SKAP2: variants seen among roughly 807,000 people sequenced by gnomAD.
SKAP2 encodes the protein src kinase associated phosphoprotein 2.
In SKAP2, 28 loss-of-function variants were observed where a neutral mutation model predicts 54.9. That is an observed-to-expected ratio of 0.51 (90% CI 0.38 to 0.70). The LOEUF is 0.70. SKAP2 is among the 30% of genes least tolerant of loss of function. The pLI is 0.00. For missense variants in SKAP2, 356 were observed against 424.1 expected (o/e 0.84, Z 1.41); for synonymous variants, 137 against 134.3 (o/e 1.02, Z -0.14).
intron 6 of SKAP2, among the ~76,000 whole-genome samples, chr7:26,731,574 C>G (rs1787824571): frequency 5.3e-5 from 8 of 152,160 alleles, no homozygotes; most frequent in Admixed American, 5.2e-4. Flanking sequence ...ATTTTCAAAA[C>G]TGTTTATCCA....
intron 1 of SKAP2, among the ~76,000 whole-genome samples, chr7:26,860,945 A>G (rs1584432267): frequency 6.6e-6 from 1 of 152,110 alleles, no homozygotes; most frequent in African/African-American, 2.4e-5. Flanking sequence ...CAAAACCTCA[A>G]GATCACTTAT....
chr7:26,717,989 C>T (rs951533663), intron 9 of SKAP2, among the ~76,000 whole-genome samples: 3 of 151,822 alleles, frequency 2.0e-5, no homozygotes, highest in Non-Finnish European at 4.4e-5. Context: ...AAAGCAAAAA[C>T]AGAAAACTCA....
intron 4 of SKAP2, among the ~76,000 whole-genome samples, chr7:26,762,233 C>T (rs937202680): frequency 2.6e-5 from 4 of 151,986 alleles, no homozygotes; most frequent in African/African-American, 9.7e-5. Context: ...CGTACCACTG[C>T]ACTCCAGCCT....
intron 4 of SKAP2, among the ~76,000 whole-genome samples, chr7:26,789,853 G>A (rs779551284): frequency 1.3e-5 from 2 of 152,128 alleles, no homozygotes; most frequent in African/African-American, 2.4e-5. Flanking sequence ...CCTCCTAAGC[G>A]TTGTGCCAAA....
chr7:26,702,003 G>A (rs1013307504), intron 9 of SKAP2, among the ~76,000 whole-genome samples: 17 of 151,828 alleles, frequency 1.1e-4, no homozygotes, highest in Non-Finnish European at 1.8e-4. Flanking sequence ...CCTTTTCTTC[G>A]GTGGCTATCA....
At chr7:26,786,034 C>A (rs1783537303) in intron 4 of SKAP2, among the ~76,000 whole-genome samples, 1 of 152,092 alleles carries the variant, frequency 6.6e-6, no homozygotes, top group Non-Finnish European at 1.5e-5. Context: ...TCCCCTTCAC[C>A]CCAAGAACTG....
chr7:26,655,658 C>T, the SKAP2 span, among the ~76,000 whole-genome samples: 7 of 152,050 alleles, frequency 4.6e-5, no homozygotes, highest in Non-Finnish European at 1.0e-4. Context: ...TCTGTAACAC[C>T]GTACACTAGT....
At chr7:26,697,136 C>T (rs1308089293) in intron 9 of SKAP2, among the ~76,000 whole-genome samples, 2 of 152,058 alleles carry the variant, frequency 1.3e-5, no homozygotes, top group Non-Finnish European at 2.9e-5. Context: ...ATGAGGTAAA[C>T]TGTGGGTGCT....
chr7:26,726,725 C>A, intron 7 of SKAP2, 157 bp downstream of exon 7: 1 of 535,230 alleles, frequency 1.9e-6, no homozygotes, highest in East Asian at 3.5e-5. Flanking sequence ...TTAAAAATTT[C>A]CTCTTATATG....
At chr7:26,846,943 G>C (rs1784934935) in intron 3 of SKAP2, among the ~76,000 whole-genome samples, 1 of 152,106 alleles carries the variant, frequency 6.6e-6, no homozygotes, top group African/African-American at 2.4e-5. Context: ...ACTGCAGTGG[G>C]CCAAGATTAT....
At chr7:26,686,788 TCATTTCA>T (rs1248545822) in intron 10 of SKAP2, among the ~76,000 whole-genome samples, 1 of 152,110 alleles carries the variant, frequency 6.6e-6, no homozygotes, top group Non-Finnish European at 1.5e-5. Context: ...GAGGATGACA[TCATTTCA>T]CATGCAAGGC....
chr7:26,784,180 G>C (rs1279563902), intron 4 of SKAP2, among the ~76,000 whole-genome samples: 2 of 151,516 alleles, frequency 1.3e-5, no homozygotes, highest in African/African-American at 4.9e-5. Flanking sequence ...ATCCTTTAAA[G>C]CCCTAAACAT....
intron 9 of SKAP2, among the ~76,000 whole-genome samples, chr7:26,691,692 G>A (rs553617571): frequency 6.6e-6 from 1 of 152,332 alleles, no homozygotes; most frequent in South Asian, 2.1e-4. Flanking sequence ...CTGAAGAAGT[G>A]CAGCAGAGAA....
intron 6 of SKAP2, among the ~76,000 whole-genome samples, chr7:26,732,430 G>A (rs899912449): frequency 1.3e-5 from 2 of 152,154 alleles, no homozygotes; most frequent in East Asian, 1.9e-4. Flanking sequence ...AATTCTGAGA[G>A]CTGATATTTT....
the SKAP2 span, among the ~76,000 whole-genome samples, chr7:26,657,826 T>C: frequency 2.6e-5 from 4 of 151,502 alleles, no homozygotes; most frequent in Non-Finnish European, 5.9e-5. Flanking sequence ...GGAGAGTTTT[T>C]CCTGATCTCC....
intron 10 of SKAP2, among the ~76,000 whole-genome samples, 162 bp from the exon 11 acceptor site, chr7:26,685,010 A>G (rs1562574781): frequency 6.6e-6 from 1 of 152,294 alleles, no homozygotes; most frequent in East Asian, 1.9e-4. Flanking sequence ...CATGAATCCT[A>G]CGTCTCACTA....
At chr7:26,792,180 G>A (rs1783684504) in intron 4 of SKAP2, among the ~76,000 whole-genome samples, 1 of 152,192 alleles carries the variant, frequency 6.6e-6, no homozygotes, top group African/African-American at 2.4e-5. Flanking sequence ...GTTGCCAGGG[G>A]CTGGGTGTGG....
chr7:26,766,573 G>A (rs754749833), intron 4 of SKAP2, among the ~76,000 whole-genome samples: 8 of 152,196 alleles, frequency 5.3e-5, no homozygotes, highest in Non-Finnish European at 7.3e-5. Context: ...AATGCTTCCA[G>A]CTTTTGCCCA....
At chr7:26,843,907 G>A (rs1259680873) in intron 4 of SKAP2, 123 bp downstream of exon 4, 1 of 612,074 alleles carries the variant, frequency 1.6e-6, no homozygotes. Context: ...TTCCTTAAAA[G>A]GTTTTGGTAA....
Sources: gnomAD v4.1 joint callset for allele counts (sites outside exome capture counted in the v4.1 genomes callset) on GRCh38, gnomAD v4.1.1 for gene constraint, MANE v1.5 for transcripts, NCBI Gene and HGNC (gene_info 2026-07-23, HGNC 2026-07-21) for gene names.